PALS1: variants seen among roughly 807,000 people sequenced by gnomAD.
The protein encoded by PALS1 is protein PALS1.
A neutral mutation model predicts 78.9 loss-of-function variants in PALS1; 31 were observed. The ratio of observed to expected loss-of-function variants is 0.39; its 90% CI spans 0.30 to 0.53. The LOEUF (loss-of-function observed/expected upper bound fraction) is 0.53, where lower values mean the gene tolerates loss of function less well. PALS1 is among the 20% of genes least tolerant of loss of function. PALS1 has a pLI of 0.67. For missense variants in PALS1, 704 were observed against 826.5 expected, an observed-to-expected ratio of 0.85 and a Z score of 1.82; for synonymous variants, 276 against 270.9, an observed-to-expected ratio of 1.02 and a Z score of -0.18.
At chr14:67,245,490 T>C (rs2083973163) in intron 1 of PALS1, among the ~76,000 whole-genome samples, 1 of 152,152 alleles carries the variant, frequency 6.6e-6, no homozygotes, top group Non-Finnish European at 1.5e-5. Context: ...TATTGTCTTA[T>C]TGCTGAATTT....
At chr14:67,331,217 G>T (rs1223957013) in intron 14 of PALS1, among the ~76,000 whole-genome samples, 1 of 151,952 alleles carries the variant, frequency 6.6e-6, no homozygotes, top group Non-Finnish European at 1.5e-5. Flanking sequence ...GCTATTTTTT[G>T]TATTTTTAAT....
intron 1 of PALS1, among the ~76,000 whole-genome samples, chr14:67,265,880 G>T (rs567717730): frequency 2.0e-5 from 3 of 148,704 alleles, no homozygotes; most frequent in Non-Finnish European, 3.0e-5. Context: ...AAGGAAAAAA[G>T]AAAACAAAGT....
At chr14:67,321,426 TCA>T in intron 13 of PALS1, among the ~76,000 whole-genome samples, 167 bp downstream of exon 13, 1 of 152,200 alleles carries the variant, frequency 6.6e-6, no homozygotes, top group East Asian at 1.9e-4. Flanking sequence ...TAAATCTCTT[TCA>T]GTTTCCTCAG....
chr14:67,292,386 A>G (rs1258840333), intron 3 of PALS1, 125 bp from the exon 4 acceptor site: 1 of 621,658 alleles, frequency 1.6e-6, no homozygotes, highest in Non-Finnish European at 2.8e-6. Context: ...ACAATAATAT[A>G]TGCAGATTTT....
At chr14:67,265,496 A>G (rs1241069293) in intron 1 of PALS1, among the ~76,000 whole-genome samples, 1 of 152,172 alleles carries the variant, frequency 6.6e-6, no homozygotes, top group African/African-American at 2.4e-5. Flanking sequence ...TTGAGGCTAC[A>G]GTGAGCTGTG....
chr14:67,312,825 T>G, intron 9 of PALS1, 115 bp downstream of exon 9: 1 of 869,352 alleles, frequency 1.2e-6, no homozygotes, highest in Non-Finnish European at 1.6e-6. Context: ...TTCCAGTTAC[T>G]TTTTCGTGTA....
chr14:67,322,367 C>A (rs946788516), intron 13 of PALS1, among the ~76,000 whole-genome samples: 2 of 151,962 alleles, frequency 1.3e-5, no homozygotes, highest in Non-Finnish European at 2.9e-5. Flanking sequence ...AACAAAAAAA[C>A]CTAATTTTAG....
chr14:67,289,768 CCTT>C lies in PALS1; in HGVS notation c.368-2742_368-2740del, dbSNP rs1284796848. Reference sequence around the variant, plus strand: ...ACATTGGGAAGATTTTTTTCCATGTCCTTTTTTTTTTTTTTTTTTTTTGAGACG... The same window carrying C: ...ACATTGGGAAGATTTTTTTCCATGTCTTTTTTTTTTTTTTTTTTTGAGACG... On this transcript the variant is annotated intron_variant, in intron 3 of 14. Transcript: ENST00000261681. 4.4e-4 allele frequency among the ~76,000 whole-genome samples: 42 copies of C among 95,476 alleles called. 9 individuals carry two copies. The highest frequency in any genetic ancestry group is 2.8e-3 in the South Asian group (8 of 2,894). The allele number at this position is 95,476 out of a possible 152,430, so 62.6% of individuals were successfully genotyped here. A position where few individuals can be genotyped will look rare whatever the true frequency, so the allele number is the denominator to read the frequency against.
intron 2 of PALS1, chr14:67,272,173 T>C (rs2084419293): frequency 6.6e-6 from 1 of 152,224 alleles, no homozygotes; most frequent in African/African-American, 2.4e-5. Flanking sequence ...TTGATGATTC[T>C]CTTATTCTAT....
In PALS1 at chr14:67,284,547, TAAAAAAAAAAAAAAAAAAAAAAAAA is replaced by T. The variant is rs36207191; in HGVS notation, c.367+5027_367+5051del. ...GCCCAGGAGATCGAGGCTGCAGTGC[TAAAAAAAAAAAAAAAAAAAAAAAAA>T]AAAAAAAAAAAAAAAAGGTTGTGCA... On this transcript the variant is annotated intron_variant, in intron 3 of 14. Transcript: ENST00000261681. Among the ~76,000 whole-genome samples the T allele has an allele frequency of 1.6e-3, 38 of 23,308 alleles. 2 individuals carry two copies. The South Asian group carries it at 0.027, about 17-fold the overall frequency. 15.3% of individuals were successfully genotyped at this position (23,308 alleles called of 152,430 possible). A position where few individuals can be genotyped will look rare whatever the true frequency, so the allele number is the denominator to read the frequency against.
intron 1 of PALS1, among the ~76,000 whole-genome samples, chr14:67,261,515 T>A (rs1016846199): frequency 1.3e-5 from 2 of 152,198 alleles, no homozygotes; most frequent in African/African-American, 4.8e-5. Context: ...AACAGGAGTC[T>A]ATTATATTTT....
chr14:67,258,015 C>A (rs1197935228), intron 1 of PALS1, among the ~76,000 whole-genome samples: 1 of 151,792 alleles, frequency 6.6e-6, no homozygotes, highest in Non-Finnish European at 1.5e-5. Flanking sequence ...TGGGAAAAAT[C>A]TCTCTCCTCT....
At chr14:67,316,000 C>T (rs1053436453) in intron 9 of PALS1, among the ~76,000 whole-genome samples, 4 of 152,120 alleles carry the variant, frequency 2.6e-5, no homozygotes, top group African/African-American at 9.7e-5. Flanking sequence ...AGTACACTTA[C>T]GAAATGCACT....
intron 3 of PALS1, among the ~76,000 whole-genome samples, chr14:67,292,215 G>T (rs1426745450): frequency 6.6e-6 from 1 of 152,234 alleles, no homozygotes; most frequent in East Asian, 1.9e-4. Flanking sequence ...GGGATTATTG[G>T]TGGTTTTAAA....
intron 4 of PALS1, among the ~76,000 whole-genome samples, chr14:67,300,034 TCTTAAAGC>T (rs1017530843): frequency 4.6e-5 from 7 of 152,164 alleles, no homozygotes; most frequent in African/African-American, 1.7e-4. Flanking sequence ...AAATCCTGGG[TCTTAAAGC>T]CTTAAAGCCT....
intron 13 of PALS1, among the ~76,000 whole-genome samples, chr14:67,323,261 G>GTGTGTGTGTGTGTGTGTGTA (rs1429954753): frequency 3.2e-5 from 4 of 124,140 alleles, no homozygotes; most frequent in African/African-American, 1.1e-4. Context: ...GTGTGTGTGT[G>GTGTGTGTGTGTGTGTGTGTA]TATATATATA....
chr14:67,303,598 T>C lies in PALS1; in HGVS notation c.1040T>C (p.Val347Ala), dbSNP rs753983222. ...AAGCCGCCTCCTGCCAAGGAAACAGTAGTAAGTGATTTTTAAATGTTCATT... is the reference window on the plus strand; with the variant it reads ...AAGCCGCCTCCTGCCAAGGAAACAGCAGTAAGTGATTTTTAAATGTTCATT... ...QIKPPPAKET[V>A]IHVKAHFDYD... is the part of the protein sequence containing the mutation. Residue 347 changes from valine (V) to alanine (A), a missense_variant and splice_region_variant, in exon 8 of 15, where the codon GTA becomes GCA. Transcript: ENST00000261681. 4 of 1,609,276 alleles carry C rather than the reference T, an allele frequency of 2.5e-6. No individual in the cohort carries two copies.
rs2085524805 is a variant in PALS1 at position 67,335,884 on chromosome 14, C to G, written c.*2928C>G. The G allele has an allele frequency of 6.6e-6, 1 of 152,238 alleles. No individual in the cohort carries two copies. The highest frequency in any genetic ancestry group is 2.4e-5 in the African/African-American group (1 of 41,454). The allele number at this position is 152,238 out of a possible 1,614,324, so 9.4% of individuals were successfully genotyped here. ...TTTCCACACATGTAAAGACCACCCTCCTCTTCAAGTTTTTGCCAAAAGCAA... is the reference window on the plus strand; with the variant it reads ...TTTCCACACATGTAAAGACCACCCTGCTCTTCAAGTTTTTGCCAAAAGCAA... On this transcript the variant is annotated 3_prime_UTR_variant, in exon 15 of 15. Coordinates refer to ENST00000261681, the MANE Select transcript of PALS1 (RefSeq NM_022474.4).
chr14:67,321,770 G>A (rs893614248), intron 13 of PALS1, among the ~76,000 whole-genome samples: 2 of 152,088 alleles, frequency 1.3e-5, no homozygotes, highest in African/African-American at 4.8e-5. Flanking sequence ...TTCAGATTTT[G>A]CATTTCAGAT....
Sources: allele counts gnomAD v4.1 joint callset (sites outside exome capture counted in the v4.1 genomes callset), GRCh38; gene constraint gnomAD v4.1.1; transcripts MANE v1.5; gene names NCBI Gene and HGNC (gene_info 2026-07-23, HGNC 2026-07-21).